Variants in ASTN2 observed in about 807,000 individuals in gnomAD.
The protein encoded by ASTN2 is astrotactin 2, also known as astrotactin-2.
In ASTN2, 54 loss-of-function variants were observed where a neutral mutation model predicts 139.8. The observed-to-expected ratio is 0.39, with a 90% CI of 0.31 to 0.48. The LOEUF (loss-of-function observed/expected upper bound fraction) is 0.48, where lower values mean the gene tolerates loss of function less well. Among genes scored for constraint, ASTN2 ranks in the 20% least tolerant of loss-of-function variants. The pLI is 0.95. For synonymous variants in ASTN2, 756 were observed against 719.5 expected (o/e 1.05, Z -0.81); for missense variants, 1,565 against 1,725.1 (o/e 0.91, Z 1.64).
intron 1 of ASTN2, among the ~76,000 whole-genome samples, chr9:117,308,677 T>C (rs1835064008): frequency 6.7e-6 from 1 of 150,370 alleles, no homozygotes; most frequent in African/African-American, 2.4e-5. Context: ...AAAGGAGAAA[T>C]AGAGTAGGAC....
At position 116,698,285 on chromosome 9, in the gene ASTN2, T is replaced by C. The variant is rs1344038304; in HGVS notation, c.2806+27486A>G. Reference sequence around the variant, plus strand: ...TCTCCAAGGACCTTCAGGCAAGGTATAAAGCAGTTCTCCAGGAGTATGGGC... The same window carrying C: ...TCTCCAAGGACCTTCAGGCAAGGTACAAAGCAGTTCTCCAGGAGTATGGGC... On this transcript the variant is annotated intron_variant, in intron 16 of 22. Coordinates refer to ENST00000313400, the MANE Select transcript of ASTN2 (RefSeq NM_001365068.1). This position sits in a 1 kb window ranked among gnomAD's most constrained non-coding sequence, Gnocchi z 4.4. The C allele has an allele frequency of 1.9e-6, 3 of 1,613,968 alleles. No individual in the cohort carries two copies. In the African/African-American group the frequency reaches 4.0e-5, roughly 22 times the overall value.
chr9:117,158,630 A>G (rs1381187482), intron 3 of ASTN2, among the ~76,000 whole-genome samples: 1 of 152,022 alleles, frequency 6.6e-6, no homozygotes, highest in African/African-American at 2.4e-5. Flanking sequence ...GCATGGCAGA[A>G]GGGCATTGGG....
At chr9:117,062,334 A>G (rs1228159650) in intron 5 of ASTN2, among the ~76,000 whole-genome samples, 1 of 152,186 alleles carries the variant, frequency 6.6e-6, no homozygotes, top group Non-Finnish European at 1.5e-5. Context: ...CACAACACTT[A>G]GGACCTAAAA....
chr9:117,032,555 G>T (rs1340506424), intron 6 of ASTN2, among the ~76,000 whole-genome samples: 1 of 152,108 alleles, frequency 6.6e-6, no homozygotes, highest in Non-Finnish European at 1.5e-5. Flanking sequence ...TTACAATGTG[G>T]TGTCATTTTC....
intron 2 of ASTN2, among the ~76,000 whole-genome samples, chr9:117,276,128 A>T (rs990776007): frequency 2.0e-5 from 3 of 152,174 alleles, no homozygotes; most frequent in Admixed American, 6.5e-5. Context: ...AACAGCTACA[A>T]TTTATTGAGA....
intron 7 of ASTN2, among the ~76,000 whole-genome samples, chr9:116,986,167 C>G (rs544709412): frequency 8.0e-5 from 11 of 137,396 alleles, no homozygotes; most frequent in East Asian, 6.6e-4. Context: ...GCTGCCCCCC[C>G]CCACCCCCCT....
At chr9:116,516,344 G>T (rs986195195) in intron 19 of ASTN2, among the ~76,000 whole-genome samples, 5 of 152,100 alleles carry the variant, frequency 3.3e-5, no homozygotes, top group Non-Finnish European at 7.4e-5. Flanking sequence ...ATGTTTGAGA[G>T]ATCAAAAAGA....
chr9:116,583,503 A>G (rs1369496089), intron 19 of ASTN2: 1 of 152,098 alleles, frequency 6.6e-6, no homozygotes, highest in Admixed American at 6.5e-5. Flanking sequence ...TGTTCTGTAC[A>G]TGTGCTGGTT....
At chr9:116,489,647 G>A (rs957661076) in intron 19 of ASTN2, among the ~76,000 whole-genome samples, 18 of 152,196 alleles carry the variant, frequency 1.2e-4, no homozygotes, top group African/African-American at 4.3e-4. Context: ...AAGAAAAACA[G>A]TTTTAAAAAG....
chr9:117,055,643 C>A (rs1251975286), intron 5 of ASTN2, among the ~76,000 whole-genome samples: 4 of 152,134 alleles, frequency 2.6e-5, no homozygotes, highest in Admixed American at 6.5e-5. Context: ...AACATCCTGG[C>A]TAGAATTAGA....
intron 13 of ASTN2, among the ~76,000 whole-genome samples, chr9:116,804,889 A>G (rs1830989817): frequency 6.7e-6 from 1 of 148,274 alleles, no homozygotes; most frequent in East Asian, 2.0e-4. Context: ...CTCCATACAT[A>G]CAACAAATCT....
chr9:116,777,747 G>C (rs1830119614), intron 13 of ASTN2, among the ~76,000 whole-genome samples: 1 of 152,202 alleles, frequency 6.6e-6, no homozygotes, highest in African/African-American at 2.4e-5. Flanking sequence ...AGATATTAAT[G>C]TGCAAATAAC....
intron 2 of ASTN2, among the ~76,000 whole-genome samples, chr9:117,217,520 T>C (rs1265007599): frequency 6.6e-6 from 1 of 152,194 alleles, no homozygotes; most frequent in Admixed American, 6.5e-5. Context: ...AGCCTTCCAG[T>C]AGTAAATGGC....
At chr9:117,025,818 G>T (rs1316949798) in intron 6 of ASTN2, among the ~76,000 whole-genome samples, 2 of 148,378 alleles carry the variant, frequency 1.3e-5, no homozygotes, top group Non-Finnish European at 3.0e-5. Flanking sequence ...TTTTGACAGA[G>T]TCTCGCTCTG....
chr9:117,309,972 G>A (rs1644636275), intron 1 of ASTN2, among the ~76,000 whole-genome samples: 1 of 152,118 alleles, frequency 6.6e-6, no homozygotes, highest in Admixed American at 6.5e-5. Flanking sequence ...TGCAAATTAT[G>A]TAGCTGGTCC....
At chr9:116,628,658 G>C (rs1350502378) in intron 17 of ASTN2, among the ~76,000 whole-genome samples, 1 of 152,180 alleles carries the variant, frequency 6.6e-6, no homozygotes. Flanking sequence ...TGTATACATG[G>C]AATTATACAT....
chr9:117,218,033 A>G (rs1832384660), intron 2 of ASTN2, among the ~76,000 whole-genome samples: 1 of 152,258 alleles, frequency 6.6e-6, no homozygotes, highest in Admixed American at 6.5e-5. Context: ...TAGCTCCAGC[A>G]TGACTTTAAA....
chr9:117,374,281 A>G (rs1196341089), intron 1 of ASTN2, among the ~76,000 whole-genome samples: 4 of 150,292 alleles, frequency 2.7e-5, no homozygotes, highest in African/African-American at 2.5e-5. Context: ...ATGTCTTGCC[A>G]TTTTTATTGC....
intron 7 of ASTN2, among the ~76,000 whole-genome samples, chr9:116,998,586 C>A (rs368899041): frequency 1.5e-5 from 2 of 133,446 alleles, no homozygotes; most frequent in Non-Finnish European, 3.3e-5. Flanking sequence ...TCCATCCATA[C>A]ATCCATGCAT....
Sources: gnomAD v4.1 joint callset for allele counts (sites outside exome capture counted in the v4.1 genomes callset) on GRCh38, gnomAD v4.1.1 for gene constraint, Gnocchi (gnomAD v3.1) non-coding constraint, MANE v1.5 for transcripts, NCBI Gene and HGNC (gene_info 2026-07-23, HGNC 2026-07-21) for gene names.